DAPK2: variants seen among roughly 807,000 people sequenced by gnomAD.
DAPK2 encodes the protein death associated protein kinase 2, also known as death-associated protein kinase 2.
A neutral mutation model predicts 44.1 loss-of-function variants in DAPK2; 35 were observed. The observed-to-expected ratio is 0.79, with a 90% CI of 0.61 to 1.05. The LOEUF is 1.05. Among genes scored for constraint, DAPK2 ranks in the 50% least tolerant of loss-of-function variants. The pLI, the probability that DAPK2 is intolerant of heterozygous loss-of-function variation, is 0.00. For synonymous variants in DAPK2, 174 were observed against 182.6 expected (o/e 0.95, Z 0.38); for missense variants, 453 against 483.2 (o/e 0.94, Z 0.59).
At chr15:63,965,427 G>A (rs1251274023) in intron 3 of DAPK2, among the ~76,000 whole-genome samples, 1 of 152,222 alleles carries the variant, frequency 6.6e-6, no homozygotes, top group East Asian at 1.9e-4. Flanking sequence ...ATGGCCCTGG[G>A]TCTTGCCCAA....
At chr15:63,924,754 G>A (rs929063489) in intron 8 of DAPK2, 62 bp downstream of exon 9, 2 of 1,594,288 alleles carry the variant, frequency 1.3e-6, no homozygotes, top group Non-Finnish European at 1.7e-6. Flanking sequence ...TGGCTGCCCA[G>A]GCCAACCCTG....
chr15:64,011,100 A>G (rs970220912), intron 1 of DAPK2, among the ~76,000 whole-genome samples: 2 of 152,238 alleles, frequency 1.3e-5, no homozygotes, highest in African/African-American at 4.8e-5. Flanking sequence ...ACAATGGAAC[A>G]GATAAAGCCA....
intron 1 of DAPK2, among the ~76,000 whole-genome samples, chr15:64,009,797 C>T (rs1344563642): frequency 2.0e-5 from 3 of 152,122 alleles, no homozygotes; most frequent in Non-Finnish European, 4.4e-5. Context: ...AAGGGCAGGG[C>T]AATGTCTTAC....
At chr15:63,986,263 T>A (rs2078665786) in intron 1 of DAPK2, among the ~76,000 whole-genome samples, 1 of 152,220 alleles carries the variant, frequency 6.6e-6, no homozygotes, top group African/African-American at 2.4e-5. Flanking sequence ...ATCTGTCAAA[T>A]GGGAATCAGG....
intron 3 of DAPK2, among the ~76,000 whole-genome samples, chr15:63,941,194 C>T (rs367731770): frequency 1.1e-4 from 17 of 152,198 alleles, no homozygotes; most frequent in African/African-American, 4.1e-4. Context: ...CCATTGAAAT[C>T]CTAGCTGGGC....
chr15:64,012,726 C>T (rs958640593), intron 1 of DAPK2, among the ~76,000 whole-genome samples: 1 of 152,142 alleles, frequency 6.6e-6, no homozygotes, highest in Non-Finnish European at 1.5e-5. Flanking sequence ...TATGCATTGA[C>T]AATTTCTGGA....
Position 63,966,685 on chromosome 15 carries a change from G to A in DAPK2, c.453+4738C>T, listed in dbSNP as rs2140691170. 6.6e-6 allele frequency among the ~76,000 whole-genome samples: 1 copy of A among 152,292 alleles called. No individual in the cohort carries two copies. The highest frequency in any genetic ancestry group is 2.1e-4 in the South Asian group (1 of 4,826). On this transcript the variant is annotated intron_variant, in intron 3 of 10. Transcript: ENST00000261891. The surrounding 1 kb of genome is among the most constrained non-coding windows in gnomAD (Gnocchi z 5.5). ...ATGGGTTCCAGCGGGGTTCTGCCTG[G>A]TATTGCTTTCTGCTGTGACAGGGCA...
intron 1 of DAPK2, chr15:63,991,181 G>T (rs761496365): frequency 4.4e-6 from 2 of 455,366 alleles, no homozygotes; most frequent in South Asian, 1.6e-5. Context: ...CAGGAAACAG[G>T]TCAGGGTTTT....
At chr15:63,950,543 G>GA (rs1229726172) in intron 3 of DAPK2, among the ~76,000 whole-genome samples, 2 of 151,448 alleles carry the variant, frequency 1.3e-5, no homozygotes, top group East Asian at 1.9e-4. Context: ...CTATTAGAAA[G>GA]AAAAAAACAA....
chr15:63,924,798 T>C lies in DAPK2; in HGVS notation c.858+18A>G, dbSNP rs200843465. 7 of 1,614,098 alleles carry C rather than the reference T, an allele frequency of 4.3e-6. No individual in the cohort carries two copies. The South Asian group carries it at 7.7e-5, about 18-fold the overall frequency. On this transcript the variant is annotated intron_variant, in intron 8 of 10. Coordinates refer to ENST00000261891, the Ensembl canonical transcript of DAPK2. Reference sequence around the variant, plus strand: ...GCAGGGACCCTTTGCCCATTGGAACTCATGGCTGTGCCCTTACCGTGATCC... The same window carrying C: ...GCAGGGACCCTTTGCCCATTGGAACCCATGGCTGTGCCCTTACCGTGATCC...
intron 1 of DAPK2, among the ~76,000 whole-genome samples, chr15:64,036,058 C>T (rs955005466): frequency 6.6e-6 from 1 of 151,572 alleles, no homozygotes; most frequent in East Asian, 1.9e-4. Flanking sequence ...GTCAAGAGAT[C>T]GAGACCATCC....
Position 64,019,632 on chromosome 15 carries a change from G to C in DAPK2, c.92+20538C>G, listed in dbSNP as rs565302567. Among the ~76,000 whole-genome samples the C allele has an allele frequency of 4.6e-5, 7 of 152,338 alleles. No individual in the cohort carries two copies. The South Asian group carries it at 1.5e-3, about 32-fold the overall frequency. On this transcript the variant is annotated intron_variant, in intron 1 of 10. Transcript: ENST00000261891. ...ATCTGTGGCAATTTCACTGTTTCTA[G>C]AGAATGCCACAGTGAATGCTTCGGT...
At position 63,908,547 on chromosome 15, in the gene DAPK2, G is replaced by T; in HGVS notation, c.1086C>A (p.His362Gln). Residue 362 changes from histidine to glutamine, a missense_variant, in exon 11 of 11, where the codon CAC (histidine) becomes CAA (glutamine). Transcript: ENST00000261891. The surrounding 1 kb of genome is among the most constrained non-coding windows in gnomAD (Gnocchi z 5.7). Reference sequence around the variant, plus strand: ...AGGAGGTGCTGCTCCTCCTCCGTGGGTGGAGGGCTTTCCTCCTGGCGATGT... The same window carrying T: ...AGGAGGTGCTGCTCCTCCTCCGTGGTTGGAGGGCTTTCCTCCTGGCGATGT... 6 of 1,601,458 alleles carry T rather than the reference G, an allele frequency of 3.7e-6. No individual in the cohort carries two copies. Among genetic ancestry groups the T allele is most frequent in the Non-Finnish European group, 5.1e-6 (6 of 1,175,304 alleles).
intron 1 of DAPK2, among the ~76,000 whole-genome samples, chr15:64,015,367 G>A (rs939015833): frequency 1.3e-5 from 2 of 152,158 alleles, no homozygotes; most frequent in Admixed American, 6.5e-5. Flanking sequence ...CTAAAGGATC[G>A]AGACCACTTG....
At position 63,908,435 on chromosome 15, in the gene DAPK2, G is replaced by C; in HGVS notation, c.*85C>G. ...AAAGTGCTCAGGACGCCCGGGTGCT[G>C]GTGCTGAGCTGGGTCCAAAAGTCTG... On this transcript the variant is annotated 3_prime_UTR_variant, in exon 11 of 11. Coordinates refer to ENST00000261891, the Ensembl canonical transcript of DAPK2. The surrounding 1 kb of genome is among the most constrained non-coding windows in gnomAD (Gnocchi z 5.7). The C allele has an allele frequency of 1.2e-6, 1 of 825,642 alleles. No individual in the cohort carries two copies. The highest frequency in any genetic ancestry group is 1.8e-6 in the Non-Finnish European group (1 of 553,242). 51.1% of individuals were successfully genotyped at this position (825,642 alleles called of 1,614,324 possible).
intron 4 of DAPK2, among the ~76,000 whole-genome samples, chr15:63,933,674 C>T (rs1267645256): frequency 6.7e-6 from 1 of 149,240 alleles, no homozygotes; most frequent in East Asian, 2.0e-4. Context: ...TCACAGCTCA[C>T]TGCTGACTCA....
At chr15:63,962,579 T>C (rs2077938102) in intron 3 of DAPK2, among the ~76,000 whole-genome samples, 1 of 152,248 alleles carries the variant, frequency 6.6e-6, no homozygotes, top group Non-Finnish European at 1.5e-5. Flanking sequence ...AATCAGGACC[T>C]TCAGCTGCAA....
intron 2 of DAPK2, among the ~76,000 whole-genome samples, chr15:63,977,016 G>A (rs965293860): frequency 3.9e-5 from 6 of 152,170 alleles, no homozygotes; most frequent in African/African-American, 1.2e-4. Context: ...ACACCATGAG[G>A]AAGGAACAAG....
At chr15:63,941,058 A>G (rs2077294367) in intron 3 of DAPK2, among the ~76,000 whole-genome samples, 1 of 152,252 alleles carries the variant, frequency 6.6e-6, no homozygotes, top group Non-Finnish European at 1.5e-5. Context: ...CCATAAAGCT[A>G]TTAAATAAAT....
Sources: allele counts gnomAD v4.1 joint callset (sites outside exome capture counted in the v4.1 genomes callset), GRCh38; gene constraint gnomAD v4.1.1; non-coding constraint Gnocchi (gnomAD v3.1); transcripts MANE v1.5; gene names NCBI Gene and HGNC (gene_info 2026-07-23, HGNC 2026-07-21).